TTC21A: variants seen among roughly 807,000 people sequenced by gnomAD.
TTC21A encodes the protein tetratricopeptide repeat domain 21A.
Under a neutral mutation model 156.4 loss-of-function variants are expected in TTC21A, and 128 were observed. The observed-to-expected ratio is 0.82, with a 90% CI of 0.71 to 0.95. The LOEUF (loss-of-function observed/expected upper bound fraction) is 0.95. Among genes scored for constraint, TTC21A ranks in the 40% least tolerant of loss-of-function variants. TTC21A has a pLI of 0.00. For synonymous variants in TTC21A, 587 were observed against 617.1 expected (o/e 0.95, Z 0.72); for missense variants, 1,435 against 1,602.3 (o/e 0.90, Z 1.78).
In TTC21A at chr3:39,121,188, A is replaced by C; in HGVS notation, c.1092A>C (p.Thr364=). Residue 364 remains threonine, a splice_region_variant and synonymous_variant, in exon 9 of 29, where the codon ACA becomes ACC. Transcript: ENST00000683103. ...KLDKDGMAGL[T]GIILCHILEG... is the part of the protein sequence containing the mutation. ...ACAAGGATGGCATGGCTGGTTTGAC[A>C]GGTATATGCAGGTGTGGCAGGGCTC... is the stretch of plus-strand genomic sequence containing the variant. 1 of 1,609,998 alleles carries C rather than the reference A, an allele frequency of 6.2e-7. No homozygotes were observed. The highest frequency in any genetic ancestry group is 8.5e-7 in the Non-Finnish European group (1 of 1,177,388).
At chr3:39,137,094 G>A (rs200754407) in intron 24 of TTC21A, 34 bp downstream of exon 24, 2 of 1,605,584 alleles carry the variant, frequency 1.2e-6, no homozygotes, top group Middle Eastern at 1.7e-4. Flanking sequence ...CGGAACCCTG[G>A]GGAAGTTACA....
At chr3:39,117,519 G>T (rs1432797160) in intron 6 of TTC21A, among the ~76,000 whole-genome samples, 1 of 152,202 alleles carries the variant, frequency 6.6e-6, no homozygotes, top group Admixed American at 6.5e-5. Flanking sequence ...CCCCCCAAGT[G>T]CCTTTCTGGC....
chr3:39,130,612 A>G lies in TTC21A; in HGVS notation c.2320-89A>G. ...TTTAGGCTATGTTCTGGAGGGGCAC[A>G]CTGGTGTGATGGCTGCTGAGGGGAA... On this transcript the variant is annotated intron_variant, in intron 17 of 28. Transcript: ENST00000683103. This position sits in a 1 kb window ranked among gnomAD's most constrained non-coding sequence, Gnocchi z 4.5. The G allele has an allele frequency of 1.3e-6, 2 of 1,525,312 alleles. No homozygotes were observed. The highest frequency in any genetic ancestry group is 1.8e-6 in the Non-Finnish European group (2 of 1,114,658). 94.5% of individuals were successfully genotyped at this position (1,525,312 alleles called of 1,614,324 possible).
intron 21 of TTC21A, 24 bp from the exon 22 acceptor site, chr3:39,135,069 G>A: frequency 6.2e-7 from 1 of 1,607,342 alleles, no homozygotes; most frequent in Non-Finnish European, 8.5e-7. Flanking sequence ...TGGGAAATCT[G>A]GAGCTTTGTG....
At chr3:39,117,052 T>C (rs757789101) in intron 6 of TTC21A, among the ~76,000 whole-genome samples, 19 of 152,168 alleles carry the variant, frequency 1.2e-4, no homozygotes, top group Non-Finnish European at 2.2e-4. Context: ...CCATTCTCAA[T>C]TTTACTTTGG....
At chr3:39,136,308 T>C in intron 22 of TTC21A, 49 bp from the exon 23 acceptor site, 1 of 1,578,102 alleles carries the variant, frequency 6.3e-7, no homozygotes, top group Non-Finnish European at 8.6e-7. Context: ...CCTCATCTGA[T>C]AACAGCTACT....
chr3:39,108,806 A>G (rs1333073070), intron 1 of TTC21A, among the ~76,000 whole-genome samples: 1 of 152,168 alleles, frequency 6.6e-6, no homozygotes, highest in Non-Finnish European at 1.5e-5. Flanking sequence ...TTCCCTTCCT[A>G]AGACAAAGCC....
At position 39,109,229 on chromosome 3, in the gene TTC21A, G is replaced by A. The variant is rs1414691226; in HGVS notation, c.157+15G>A. On this transcript the variant is annotated intron_variant, in intron 2 of 28. Transcript: ENST00000683103. ...CCTCAAAGAAGGTAAGGACTTGGCA[G>A]TGTTGGTCTTGTGACCCCAGGCACT... 9.3e-6 allele frequency: 15 copies of A among 1,606,030 alleles called. No homozygotes were observed. In the East Asian group the frequency reaches 1.6e-4, roughly 17 times the overall value.
rs2038983022 is a variant in TTC21A, at chr3:39,134,704, G to A, written c.2862+376G>A. The A allele has an allele frequency of 4.3e-6, 2 of 469,456 alleles. No individual in the cohort carries two copies. The highest frequency in any genetic ancestry group is 3.3e-5 in the Admixed American group (1 of 29,928). 29.1% of individuals were successfully genotyped at this position (469,456 alleles called of 1,614,324 possible). A position where few individuals can be genotyped will look rare whatever the true frequency, so the allele number is the denominator to read the frequency against. ...CCAGACCTCCTCTAGGGCTGGCCCA[G>A]GAGCAGAAGCTGAGCCCTTGCAGAG... On this transcript the variant is annotated intron_variant, in intron 21 of 28. Transcript: ENST00000683103. This position sits in a 1 kb window ranked among gnomAD's most constrained non-coding sequence, Gnocchi z 4.6.
chr3:39,114,642 AT>A lies in TTC21A; in HGVS notation c.617del (p.Ile206ThrfsTer3). The A allele has an allele frequency of 6.2e-7, 1 of 1,614,206 alleles. No homozygotes were observed. The highest frequency in any genetic ancestry group is 1.3e-5 in the African/African-American group (1 of 75,050). Reference protein sequence around the residue: ...YSEALEVVNQITVTSGSFLPA... With the variant: ...YSEALEVVNQXTVTSGSFLPA... ...AGAGGCCCTGGAGGTGGTGAACCAG[AT>A]CACTGTGACTTCAGGGAGCTTCCTG... On this transcript the variant is annotated frameshift_variant, in exon 6 of 29. Coordinates refer to ENST00000683103, the MANE Select transcript of TTC21A (RefSeq NM_001366900.1). LOFTEE classifies it high-confidence loss of function.
Position 39,136,197 on chromosome 3 carries a change from T to A in TTC21A, c.2945-160T>A, listed in dbSNP as rs943336758. 3.2e-5 allele frequency: 21 copies of A among 647,324 alleles called. No homozygotes were observed. In the Admixed American group the frequency reaches 5.8e-4, roughly 18 times the overall value. The allele number at this position is 647,324 out of a possible 1,614,324, so 40.1% of individuals were successfully genotyped here. A position where few individuals can be genotyped will look rare whatever the true frequency, so the allele number is the denominator to read the frequency against. ...TATTTTTAAGCATTAGTATTATTCT[T>A]TACTCAACCCTGGAGACCAGTGGAG... On this transcript the variant is annotated intron_variant, in intron 22 of 28. Transcript: ENST00000683103.
intron 7 of TTC21A, 35 bp from the exon 8 acceptor site, chr3:39,119,887 C>A: frequency 6.8e-7 from 1 of 1,464,662 alleles, no homozygotes; most frequent in Non-Finnish European, 9.5e-7. Context: ...GACCTTGCAC[C>A]TTGCATGTTG....
chr3:39,110,760 A>T, intron 3 of TTC21A, 91 bp from the exon 4 acceptor site: 1 of 1,423,062 alleles, frequency 7.0e-7, no homozygotes, highest in Non-Finnish European at 9.8e-7. Flanking sequence ...GGAGACCCCG[A>T]GGTAGTTCCC....
rs567279828 is a variant in TTC21A, at chr3:39,131,494, G to C, written c.2562+399G>C. On this transcript the variant is annotated intron_variant, in intron 19 of 28. Transcript: ENST00000683103. ...TGTGACATTCCCATGTAGCAGATAA[G>C]TCTCTAGGAGGTTGAGAAATGTGCC... is the stretch of plus-strand genomic sequence containing the variant. 4 of 160,826 alleles carry C rather than the reference G, an allele frequency of 2.5e-5. No homozygotes were observed. In the South Asian group the frequency reaches 7.3e-4, roughly 29 times the overall value. 10.0% of individuals were successfully genotyped at this position (160,826 alleles called of 1,614,324 possible).
chr3:39,130,145 T>C lies in TTC21A; in HGVS notation c.2202T>C (p.Ile734=). ...SLLLGDALMS[I]LEPEKALEVY... ...TACTGGGCGATGCCTTAATGAGCAT[T>C]CTGGAGGTAAGTGAGAGGCCTCACA... Residue 734 remains isoleucine (I), a synonymous_variant, in exon 16 of 29, where the codon ATT becomes ATC. Coordinates refer to ENST00000683103, the MANE Select transcript of TTC21A (RefSeq NM_001366900.1). This position sits in a 1 kb window ranked among gnomAD's most constrained non-coding sequence, Gnocchi z 4.5. The C allele has an allele frequency of 6.2e-7, 1 of 1,613,958 alleles. No homozygotes were observed.
At chr3:39,129,401 T>C (rs2038549636) in intron 15 of TTC21A, 91 bp downstream of exon 15, 1 of 960,770 alleles carries the variant, frequency 1.0e-6, no homozygotes, top group East Asian at 2.4e-5. Flanking sequence ...AACCTGGGTC[T>C]CCAGAATGTG....
In TTC21A at chr3:39,130,189, C is replaced by T. The variant is rs1242663440; in HGVS notation, c.2208+38C>T. On this transcript the variant is annotated intron_variant, in intron 16 of 28. Transcript: ENST00000683103. This position sits in a 1 kb window ranked among gnomAD's most constrained non-coding sequence, Gnocchi z 4.5. ...CCTCACAGCCTTGCCAAGTGGCCCCCCAGTCTCCCTTCTCCAGTGGGAGAG... is the reference window on the plus strand; with the variant it reads ...CCTCACAGCCTTGCCAAGTGGCCCCTCAGTCTCCCTTCTCCAGTGGGAGAG... 6 of 1,612,186 alleles carry T rather than the reference C, an allele frequency of 3.7e-6. No individual in the cohort carries two copies. The African/African-American group carries it at 4.0e-5, about 11-fold the overall frequency.
Position 39,136,384 on chromosome 3 carries a change from T to A in TTC21A, c.2972T>A (p.Ile991Asn). 6.2e-7 allele frequency: 1 copy of A among 1,613,484 alleles called. No homozygotes were observed. Among genetic ancestry groups the A allele is most frequent in the South Asian group, 1.1e-5 (1 of 90,924 alleles). ...AATTTTTTGGTATTGCATAAATTAA[T>A]CGATCTGCTAAGAAGAAGTGGAAAA... Reference protein sequence around the residue: ...PDNFLVLHKLIDLLRRSGKLE... With the variant: ...PDNFLVLHKLNDLLRRSGKLE... Residue 991 changes from isoleucine to asparagine, a missense_variant, in exon 23 of 29, where the codon ATC becomes AAC. Coordinates refer to ENST00000683103, the MANE Select transcript of TTC21A (RefSeq NM_001366900.1).
chr3:39,135,342 G>A lies in TTC21A; in HGVS notation c.2944+168G>A, dbSNP rs557160983. The stretch of plus-strand genomic sequence containing the variant: ...TGATAAAGACCCAGTGGAACGTGCC[G>A]GCCCTTCCCGAGTCCAAGGGGCCAG... On this transcript the variant is annotated intron_variant, in intron 22 of 28. Coordinates refer to ENST00000683103, the MANE Select transcript of TTC21A (RefSeq NM_001366900.1). Among the ~76,000 whole-genome samples, 76 of 152,270 alleles carry A rather than the reference G, an allele frequency of 5.0e-4. 1 individual carries two copies. In the South Asian group the frequency reaches 6.4e-3, roughly 13 times the overall value.
Sources: gnomAD v4.1 joint callset for allele counts (sites outside exome capture counted in the v4.1 genomes callset) on GRCh38, gnomAD v4.1.1 for gene constraint, Gnocchi (gnomAD v3.1) non-coding constraint, MANE v1.5 for transcripts, NCBI Gene and HGNC (gene_info 2026-07-23, HGNC 2026-07-21) for gene names.